Variants in AP5S1 observed in about 807,000 individuals in gnomAD.
AP5S1 encodes the protein adaptor related protein complex 5 subunit sigma 1, also known as AP-5 complex subunit sigma-1.
In AP5S1, 13 loss-of-function variants were observed where a neutral mutation model predicts 13.9. The ratio of observed to expected loss-of-function variants is 0.94; its 90% confidence interval spans 0.61 to 1.49. The LOEUF (loss-of-function observed/expected upper bound fraction) is 1.49, where lower values mean the gene tolerates loss of function less well. Among genes scored for constraint, AP5S1 ranks in the 40% most tolerant of loss-of-function variants. The pLI, the probability that AP5S1 is intolerant of heterozygous loss-of-function variation, is 0.00. For synonymous variants in AP5S1, 132 were observed against 121.8 expected, an observed-to-expected ratio of 1.08 and a Z score of -0.55; for missense variants, 292 against 272.3, an observed-to-expected ratio of 1.07 and a Z score of -0.51.
intron 1 of AP5S1, chr20:3,821,878 CTTT>C (rs760765518): frequency 7.5e-4 from 621 of 823,208 alleles, no homozygotes; most frequent in Non-Finnish European, 8.1e-4. Context: ...TTTCTTTTTT[CTTT>C]TTTTTTTTTT....
chr20:3,823,754 CCTCAGTTTT>C (rs1335429060), intron 2 of AP5S1, 108 bp from the exon 3 acceptor site: 2 of 1,512,556 alleles, frequency 1.3e-6, no homozygotes, highest in African/African-American at 2.8e-5. Context: ...TCTCTCTAGG[CCTCAGTTTT>C]CTCACTTGAG....
In AP5S1 at chr20:3,827,452, G is replaced by C. The variant is rs1206376612; in HGVS notation, c.*3155G>C. On this transcript the variant is annotated 3_prime_UTR_variant, in exon 3 of 3. Coordinates refer to ENST00000615891, the MANE Select transcript of AP5S1 (RefSeq NM_018347.3). Reference sequence around the variant, plus strand: ...AAGTTTTTCTATTTTTAGTAGAGACGGGGTTTCACCGTGTTAGCCAGGTTG... The same window carrying C: ...AAGTTTTTCTATTTTTAGTAGAGACCGGGTTTCACCGTGTTAGCCAGGTTG... 6.6e-6 allele frequency: 1 copy of C among 152,124 alleles called. No homozygotes were observed. The highest frequency in any genetic ancestry group is 2.4e-5 in the African/African-American group (1 of 41,390). The allele number at this position is 152,124 out of a possible 1,614,324, so 9.4% of individuals were successfully genotyped here.
chr20:3,821,033 G>C (rs1467080183), intron 1 of AP5S1, among the ~76,000 whole-genome samples: 1 of 152,208 alleles, frequency 6.6e-6, no homozygotes, highest in Non-Finnish European at 1.5e-5. Flanking sequence ...CTATTATTTA[G>C]TTTCTATTTT....
Position 3,826,097 on chromosome 20 carries a change from G to A in AP5S1, c.*1800G>A, listed in dbSNP as rs1310464487. The A allele has an allele frequency of 6.6e-6, 1 of 152,206 alleles. No individual in the cohort carries two copies. The highest frequency in any genetic ancestry group is 1.5e-5 in the Non-Finnish European group (1 of 68,032). The allele number at this position is 152,206 out of a possible 1,614,324, so 9.4% of individuals were successfully genotyped here. On this transcript the variant is annotated 3_prime_UTR_variant, in exon 3 of 3. Coordinates refer to ENST00000615891, the MANE Select transcript of AP5S1 (RefSeq NM_018347.3). ...CAGCTCTCATGCTTGCCATCCATCA[G>A]TTGCCCTTTAGCATCCAGGATGGAC...
At position 3,824,752 on chromosome 20, in the gene AP5S1, G is replaced by A. The variant is rs1026270048; in HGVS notation, c.*455G>A. On this transcript the variant is annotated 3_prime_UTR_variant, in exon 3 of 3. Transcript: ENST00000615891. ...GTTCAAGACCAGCCTGGCCAACATA[G>A]TGAAACCCCATCTCTACTAAAAATA... is the stretch of plus-strand genomic sequence containing the variant. 6.2e-6 allele frequency: 1 copy of A among 160,016 alleles called. No homozygotes were observed. The highest frequency in any genetic ancestry group is 1.4e-5 in the Non-Finnish European group (1 of 73,366). 9.9% of individuals were successfully genotyped at this position (160,016 alleles called of 1,614,324 possible).
chr20:3,823,387 T>A (rs1366872421), intron 2 of AP5S1: 1 of 267,616 alleles, frequency 3.7e-6, no homozygotes, highest in East Asian at 1.8e-4. Context: ...TAGCTGGGAC[T>A]ACAGGCGCCC....
rs1159218572 is a variant in AP5S1 at position 3,828,383 on chromosome 20, C to G, written c.*4086C>G. ...ACCTTCATTGACACGTCACTATCAC[C>G]AGAGTCCATAGTTTACATTAGGGTT... On this transcript the variant is annotated 3_prime_UTR_variant, in exon 3 of 3. Transcript: ENST00000615891. 1 of 152,186 alleles carries G rather than the reference C, an allele frequency of 6.6e-6. No homozygotes were observed. Among genetic ancestry groups the G allele is most frequent in the Non-Finnish European group, 1.5e-5 (1 of 68,034 alleles). 9.4% of individuals were successfully genotyped at this position (152,186 alleles called of 1,614,324 possible). A position where few individuals can be genotyped will look rare whatever the true frequency, so the allele number is the denominator to read the frequency against.
chr20:3,822,237 G>A lies in AP5S1; in HGVS notation c.120G>A (p.Pro40=), dbSNP rs755568487. 13 of 1,614,020 alleles carry A rather than the reference G, an allele frequency of 8.1e-6. No homozygotes were observed. Among genetic ancestry groups the A allele is most frequent in the African/African-American group, 4.0e-5 (3 of 74,918 alleles). The change falls in exon 2 of 3, where the codon CCG becomes CCA. Residue 40 remains proline (P), a synonymous_variant. Coordinates refer to ENST00000615891, the MANE Select transcript of AP5S1 (RefSeq NM_018347.3). Reference sequence around the variant, plus strand: ...AGAAGTCACCTGATGACCCACGGCCGCATGGTGCCGAGAGGGACAGGCTTC... The same window carrying A: ...AGAAGTCACCTGATGACCCACGGCCACATGGTGCCGAGAGGGACAGGCTTC... The part of the protein sequence containing the change: ...GAEKSPDDPR[P]HGAERDRLLR...
rs1455313692 is a variant in AP5S1 at position 3,824,216 on chromosome 20, G to A, written c.522G>A (p.Leu174=). 6.2e-7 allele frequency: 1 copy of A among 1,614,110 alleles called. No individual in the cohort carries two copies. Among genetic ancestry groups the A allele is most frequent in the African/African-American group, 1.3e-5 (1 of 74,952 alleles). ...DRIEGILTRF[L]PHGQLLFLND... ...TTGAGGGCATCCTCACCCGCTTCCT[G>A]CCACATGGTCAGCTGCTTTTCCTCA... Residue 174 remains leucine, a synonymous_variant, in exon 3 of 3, where the codon CTG becomes CTA. Transcript: ENST00000615891.
Position 3,827,600 on chromosome 20 carries a change from A to G in AP5S1, c.*3303A>G, listed in dbSNP as rs1450466896. On this transcript the variant is annotated 3_prime_UTR_variant, in exon 3 of 3. Coordinates refer to ENST00000615891, the MANE Select transcript of AP5S1 (RefSeq NM_018347.3). ...GGTTTTAAGGCAGGAACTGGCCTGCATGTATGTGGGTCACTGATTGGGTCA... is the reference window on the plus strand; with the variant it reads ...GGTTTTAAGGCAGGAACTGGCCTGCGTGTATGTGGGTCACTGATTGGGTCA... The G allele has an allele frequency of 1.3e-5, 2 of 152,118 alleles. No homozygotes were observed. Among genetic ancestry groups the G allele is most frequent in the Non-Finnish European group, 2.9e-5 (2 of 68,060 alleles). 9.4% of individuals were successfully genotyped at this position (152,118 alleles called of 1,614,324 possible).
intron 2 of AP5S1, 68 bp from the exon 3 acceptor site, chr20:3,823,803 A>G (rs2089601947): frequency 6.5e-6 from 10 of 1,546,586 alleles, no homozygotes; most frequent in Non-Finnish European, 7.8e-6. Context: ...TCCCAGCACC[A>G]GGGTTGATCA....
chr20:3,822,065 C>A, intron 1 of AP5S1, 37 bp from the exon 2 acceptor site: 1 of 1,590,152 alleles, frequency 6.3e-7, no homozygotes, highest in East Asian at 2.3e-5. Flanking sequence ...TGCTGGGGTT[C>A]ACTCTCACCT....
rs1329995995 is a variant in AP5S1, at chr20:3,826,186, AC to A, written c.*1891del. 2 of 152,228 alleles carry A rather than the reference AC, an allele frequency of 1.3e-5. No individual in the cohort carries two copies. Among genetic ancestry groups the A allele is most frequent in the Non-Finnish European group, 2.9e-5 (2 of 68,064 alleles). 9.4% of individuals were successfully genotyped at this position (152,228 alleles called of 1,614,324 possible). A position where few individuals can be genotyped will look rare whatever the true frequency, so the allele number is the denominator to read the frequency against. ...CCCTTCCAAGTCCATGGCCAAGGCC[AC>A]CAGCCATGCCAGGCCTTCTACCACC... On this transcript the variant is annotated 3_prime_UTR_variant, in exon 3 of 3. Coordinates refer to ENST00000615891, the MANE Select transcript of AP5S1 (RefSeq NM_018347.3).
Position 3,824,575 on chromosome 20 carries a change from A to C in AP5S1, c.*278A>C. On this transcript the variant is annotated 3_prime_UTR_variant, in exon 3 of 3. Transcript: ENST00000615891. ...CTTGTCCTTGAACCCACCTTCCTCC[A>C]TCCCTGCCAGCCGATAGTGCTAGGG... 3 of 466,926 alleles carry C rather than the reference A, an allele frequency of 6.4e-6. No homozygotes were observed. Among genetic ancestry groups the C allele is most frequent in the Admixed American group, 7.4e-5 (2 of 26,956 alleles). 28.9% of individuals were successfully genotyped at this position (466,926 alleles called of 1,614,324 possible). A position where few individuals can be genotyped will look rare whatever the true frequency, so the allele number is the denominator to read the frequency against.
rs906466910 is a variant in AP5S1 at position 3,828,262 on chromosome 20, A to G, written c.*3965A>G. 5.9e-5 allele frequency: 9 copies of G among 152,176 alleles called. No individual in the cohort carries two copies. The highest frequency in any genetic ancestry group is 2.2e-4 in the African/African-American group (9 of 41,454). 9.4% of individuals were successfully genotyped at this position (152,176 alleles called of 1,614,324 possible). A position where few individuals can be genotyped will look rare whatever the true frequency, so the allele number is the denominator to read the frequency against. ...TTCACAGTAAAACTGAGCAGAGGGT[A>G]CAGAGAGTTCTCATTTACTCCCTGT... is the stretch of plus-strand genomic sequence containing the variant. On this transcript the variant is annotated 3_prime_UTR_variant, in exon 3 of 3. Coordinates refer to ENST00000615891, the MANE Select transcript of AP5S1 (RefSeq NM_018347.3).
Position 3,828,729 on chromosome 20 carries a change from T to C in AP5S1, c.*4432T>C, listed in dbSNP as rs1302903272. ...TGAGCTTGACAGCTCATTTTGGAAG[T>C]ACTGCTGAATAGTATTCCATTATGT... is the stretch of plus-strand genomic sequence containing the variant. On this transcript the variant is annotated 3_prime_UTR_variant, in exon 3 of 3. Transcript: ENST00000615891. 2.0e-5 allele frequency: 3 copies of C among 152,248 alleles called. No homozygotes were observed. The East Asian group carries it at 5.8e-4, about 29-fold the overall frequency. The allele number at this position is 152,248 out of a possible 1,614,324, so 9.4% of individuals were successfully genotyped here.
rs776748091 is a variant in AP5S1 at position 3,824,244 on chromosome 20, G to A, written c.550G>A (p.Asp184Asn). ...ACATGGTCAGCTGCTTTTCCTCAAC[G>A]ACCAGTTTGTCCAAGGCCTGGAGAA... ...LPHGQLLFLN[D>N]QFVQGLEKEF... The change falls in exon 3 of 3, where the codon GAC (aspartate) becomes AAC (asparagine). Residue 184 changes from aspartate to asparagine, a missense_variant. By Grantham distance (23) the Asp-to-Asn change is conservative (BLOSUM62 1). Transcript: ENST00000615891. 4.0e-5 allele frequency: 65 copies of A among 1,614,042 alleles called. No individual in the cohort carries two copies. The highest frequency in any genetic ancestry group is 5.0e-5 in the Non-Finnish European group (59 of 1,180,050).
In AP5S1 at chr20:3,824,095, T is replaced by C. The variant is rs767737684; in HGVS notation, c.401T>C (p.Leu134Pro). The C allele has an allele frequency of 6.2e-7, 1 of 1,614,010 alleles. No homozygotes were observed. Among genetic ancestry groups the C allele is most frequent in the South Asian group, 1.1e-5 (1 of 91,088 alleles). ...CTGGATGCCCATGAGAACCTGCTAC[T>C]GGCTGAGGGCACGCTCCGGCTGCTG... is the stretch of plus-strand genomic sequence containing the variant. ...LVLDAHENLL[L>P]AEGTLRLLTR... The change falls in exon 3 of 3, where the codon CTG becomes CCG. Residue 134 changes from leucine to proline, a missense_variant. Transcript: ENST00000615891.
chr20:3,821,889 T>C, intron 1 of AP5S1: 1 of 972,606 alleles, frequency 1.0e-6, no homozygotes, highest in Middle Eastern at 5.3e-4. Context: ...TTTTTTTTTT[T>C]TTTTAGTTTA....
Sources: allele counts gnomAD v4.1 joint callset (sites outside exome capture counted in the v4.1 genomes callset), GRCh38; gene constraint gnomAD v4.1.1; transcripts MANE v1.5; gene names NCBI Gene and HGNC (gene_info 2026-07-23, HGNC 2026-07-21).